The following GRIN2B variants were observed in gnomAD, a reference collection of about 807,000 sequenced individuals.
GRIN2B encodes glutamate ionotropic receptor NMDA type subunit 2B.
A neutral mutation model predicts 114.5 loss-of-function variants in GRIN2B; 5 were observed. The ratio of observed to expected loss-of-function variants is 0.04; its 90% CI spans 0.02 to 0.09. The LOEUF is 0.09. Among genes scored for constraint, GRIN2B ranks in the 10% least tolerant of loss-of-function variants. The pLI is 1.00. For synonymous variants in GRIN2B, 787 were observed against 745.1 expected, an observed-to-expected ratio of 1.06 and a Z score of -0.92; for missense variants, 1,108 against 1,943.5, an observed-to-expected ratio of 0.57 and a Z score of 8.08.
chr12:13,748,144 A>C lies in GRIN2B; in HGVS notation c.1010+5173T>G, dbSNP rs1247691134. On this transcript the variant is annotated intron_variant, in intron 4 of 13. Coordinates refer to ENST00000609686, the MANE Select transcript of GRIN2B (RefSeq NM_000834.5). ...AACTTTCACTAAGAAAGAAGAATTT[A>C]GGGAAGGAGGAAACAAATGTTGAGT... Among the ~76,000 whole-genome samples, 2 of 152,254 alleles carry C rather than the reference A, an allele frequency of 1.3e-5. 1 individual carries two copies. The highest frequency in any genetic ancestry group is 2.9e-5 in the Non-Finnish European group (2 of 68,040).
chr12:13,760,645 A>G (rs1415909327), intron 3 of GRIN2B, among the ~76,000 whole-genome samples: 1 of 152,188 alleles, frequency 6.6e-6, no homozygotes, highest in Non-Finnish European at 1.5e-5. Context: ...GCTTTCCCTG[A>G]GACTTTCTCC....
At chr12:13,690,010 A>G (rs1016034648) in intron 4 of GRIN2B, among the ~76,000 whole-genome samples, 20 of 151,886 alleles carry the variant, frequency 1.3e-4, no homozygotes, top group African/African-American at 4.4e-4. Flanking sequence ...TCAACATTTC[A>G]TTTATTGTTC....
At chr12:13,600,940 C>G (rs1166893553) in intron 10 of GRIN2B, among the ~76,000 whole-genome samples, 3 of 152,184 alleles carry the variant, frequency 2.0e-5, no homozygotes, top group African/African-American at 7.2e-5. Flanking sequence ...GCCTATAAAG[C>G]ATGTCTCTGC....
At chr12:13,929,145 C>T (rs1866972927) in intron 2 of GRIN2B, among the ~76,000 whole-genome samples, 1 of 152,038 alleles carries the variant, frequency 6.6e-6, no homozygotes, top group African/African-American at 2.4e-5. Flanking sequence ...CTTAAATAAC[C>T]TGAAGATTTG....
rs576116859 is a variant in GRIN2B, at chr12:13,681,546, T to C, written c.1011-5687A>G. Among the ~76,000 whole-genome samples, 7 of 152,302 alleles carry C rather than the reference T, an allele frequency of 4.6e-5. No homozygotes were observed. In the South Asian group the frequency reaches 1.2e-3, roughly 27 times the overall value. ...GAAAAGCTGTAACTCTGTAACTTTG[T>C]ATCATGCATGTGTCACCTTCTAAAG... is the stretch of plus-strand genomic sequence containing the variant. On this transcript the variant is annotated intron_variant, in intron 4 of 13. Coordinates refer to ENST00000609686, the MANE Select transcript of GRIN2B (RefSeq NM_000834.5).
chr12:13,783,119 A>C (rs1238427857), intron 3 of GRIN2B, among the ~76,000 whole-genome samples: 1 of 152,230 alleles, frequency 6.6e-6, no homozygotes, highest in Non-Finnish European at 1.5e-5. Context: ...GGTCAATTTT[A>C]TAATACACTA....
intron 4 of GRIN2B, among the ~76,000 whole-genome samples, chr12:13,732,287 C>T (rs1863098411): frequency 6.6e-6 from 1 of 152,138 alleles, no homozygotes; most frequent in African/African-American, 2.4e-5. Context: ...AAAAGAACAA[C>T]TCTGTTCCAC....
intron 3 of GRIN2B, among the ~76,000 whole-genome samples, chr12:13,843,019 A>G (rs1359695167): frequency 1.9e-5 from 2 of 105,056 alleles, no homozygotes; most frequent in African/African-American, 7.2e-5. Context: ...ACTTTTTAAA[A>G]TTTTTTATTA....
At chr12:13,826,505 A>G (rs540533638) in intron 3 of GRIN2B, among the ~76,000 whole-genome samples, 6 of 152,156 alleles carry the variant, frequency 3.9e-5, no homozygotes, top group Non-Finnish European at 5.9e-5. Flanking sequence ...CACTAAATAG[A>G]TAGTATAGGA....
rs1447643591 is a variant in GRIN2B, at chr12:13,547,971, A to T, written c.*14812T>A. 8 of 44,360 alleles carry T rather than the reference A, an allele frequency of 1.8e-4. No homozygotes were observed. In the Admixed American group the frequency reaches 2.3e-3, roughly 13 times the overall value. 2.7% of individuals were successfully genotyped at this position (44,360 alleles called of 1,614,324 possible). A position where few individuals can be genotyped will look rare whatever the true frequency, so the allele number is the denominator to read the frequency against. On this transcript the variant is annotated 3_prime_UTR_variant, in exon 14 of 14. Coordinates refer to ENST00000609686, the MANE Select transcript of GRIN2B (RefSeq NM_000834.5). ...TATGTATGTGTGTGTATATATATAT[A>T]TATATATATATTTTTTTTTTTTTTC...
At chr12:13,796,895 T>C (rs1318590890) in intron 3 of GRIN2B, among the ~76,000 whole-genome samples, 1 of 152,238 alleles carries the variant, frequency 6.6e-6, no homozygotes, top group Non-Finnish European at 1.5e-5. Flanking sequence ...CTGTCATGCC[T>C]GCCTTGTTCA....
At chr12:13,918,462 A>G (rs1005159210) in intron 2 of GRIN2B, among the ~76,000 whole-genome samples, 12 of 152,222 alleles carry the variant, frequency 7.9e-5, no homozygotes, top group African/African-American at 2.2e-4. Context: ...GTTCAATTGA[A>G]TTTGACAACC....
At chr12:13,645,071 T>C (rs1357093950) in intron 5 of GRIN2B, among the ~76,000 whole-genome samples, 3 of 152,146 alleles carry the variant, frequency 2.0e-5, no homozygotes, top group Non-Finnish European at 2.9e-5. Context: ...ACTTGGCTAA[T>C]TGTTTTGTAC....
intron 2 of GRIN2B, among the ~76,000 whole-genome samples, chr12:13,914,610 T>A (rs957527149): frequency 1.3e-5 from 2 of 152,198 alleles, no homozygotes; most frequent in Admixed American, 1.3e-4. Context: ...ATCAAAGAGA[T>A]GTCTGCACTC....
At chr12:13,658,523 C>A (rs1949889762) in intron 5 of GRIN2B, among the ~76,000 whole-genome samples, 1 of 141,582 alleles carries the variant, frequency 7.1e-6, no homozygotes, top group Non-Finnish European at 1.6e-5. Context: ...TATTTTCCTT[C>A]TTTAGGATCT....
chr12:13,914,945 G>T (rs1407895432), intron 2 of GRIN2B, among the ~76,000 whole-genome samples: 1 of 152,024 alleles, frequency 6.6e-6, no homozygotes, highest in Non-Finnish European at 1.5e-5. Flanking sequence ...ATAAAGAGAG[G>T]TTAATTAATG....
intron 5 of GRIN2B, among the ~76,000 whole-genome samples, chr12:13,621,472 TAAAC>T (rs1949512860): frequency 6.6e-6 from 1 of 152,034 alleles, no homozygotes; most frequent in African/African-American, 2.4e-5. Context: ...TTGAGGTAAC[TAAAC>T]AAACATCATT....
intron 5 of GRIN2B, among the ~76,000 whole-genome samples, chr12:13,619,542 C>A (rs1018627666): frequency 2.6e-5 from 4 of 152,270 alleles, no homozygotes; most frequent in Admixed American, 2.6e-4. Flanking sequence ...TCTATCACAC[C>A]CTTTCCCAAC....
intron 4 of GRIN2B, among the ~76,000 whole-genome samples, chr12:13,680,436 TTGTGTGTGTGTGTGTGTGTG>T (rs56755720): frequency 2.8e-4 from 34 of 123,574 alleles, no homozygotes; most frequent in Non-Finnish European, 4.4e-4. Context: ...CCCATCAAGG[TTGTGTGTGTGTGTGTGTGTG>T]TGTGTGTGTG....
Sources: gnomAD v4.1 joint callset for allele counts (sites outside exome capture counted in the v4.1 genomes callset) on GRCh38, gnomAD v4.1.1 for gene constraint, MANE v1.5 for transcripts, NCBI Gene and HGNC (gene_info 2026-07-23, HGNC 2026-07-21) for gene names.